CNTN6: variants seen among roughly 807,000 people sequenced by gnomAD.
CNTN6 encodes the protein contactin 6.
A neutral mutation model predicts 122.8 loss-of-function variants in CNTN6; 137 were observed. That is an observed-to-expected ratio of 1.12 (90% CI 0.97 to 1.29). The LOEUF is 1.29. Ranked by LOEUF, CNTN6 falls within the 50% of genes most tolerant of loss-of-function variation. CNTN6 has a pLI of 0.00. For synonymous variants in CNTN6, 570 were observed against 426.0 expected (o/e 1.34, Z -4.16); for missense variants, 1,634 against 1,223.4 (o/e 1.34, Z -5.01).
chr3:1,194,905 T>C (rs2093754345), intron 2 of CNTN6, among the ~76,000 whole-genome samples: 1 of 152,064 alleles, frequency 6.6e-6, no homozygotes, highest in African/African-American at 2.4e-5. Context: ...TCTAGGGACT[T>C]GCTGACTCTG....
rs147805325 is a variant in CNTN6 at position 1,383,009 on chromosome 3, C to T, written c.2234C>T (p.Ser745Leu). ...ATCATCATGTTCCGGCCAGTGGGCT[C>T]GACAACCTGGTCCAAGGAGAAAGTG... ...GYIIMFRPVG[S>L]TTWSKEKVSS... Residue 745 changes from serine to leucine, a missense_variant, in exon 18 of 23, where the codon TCG becomes TTG. Ser to Leu is a moderately radical substitution (Grantham distance 145). Coordinates refer to ENST00000446702, the MANE Select transcript of CNTN6 (RefSeq NM_001289080.2). The T allele has an allele frequency of 8.0e-4, 1,289 of 1,614,048 alleles. 2 individuals are homozygous for T. Among genetic ancestry groups the T allele is most frequent in the Non-Finnish European group, 1.0e-3 (1,198 of 1,179,948 alleles).
chr3:1,149,024 T>C (rs1047900996), intron 2 of CNTN6, among the ~76,000 whole-genome samples: 5 of 152,292 alleles, frequency 3.3e-5, no homozygotes, highest in Admixed American at 3.3e-4. Flanking sequence ...ATTTTGACAA[T>C]TATAAGTCAC....
At chr3:1,126,869 C>T (rs781129053) in intron 1 of CNTN6, among the ~76,000 whole-genome samples, 3 of 151,794 alleles carry the variant, frequency 2.0e-5, no homozygotes, top group Non-Finnish European at 4.4e-5. Flanking sequence ...GAAAGAAAGT[C>T]ATCTGGAGAG....
intron 20 of CNTN6, among the ~76,000 whole-genome samples, chr3:1,388,581 G>A (rs1392066239): frequency 6.7e-6 from 1 of 150,350 alleles, no homozygotes; most frequent in South Asian, 2.1e-4. Context: ...TTGACGAGCT[G>A]AGAGAAGAAG....
chr3:1,227,395 G>A (rs936072310), intron 3 of CNTN6, among the ~76,000 whole-genome samples: 11 of 152,206 alleles, frequency 7.2e-5, no homozygotes, highest in African/African-American at 1.7e-4. Flanking sequence ...TATGCTTGCC[G>A]CTTTCAATAT....
intron 19 of CNTN6, 127 bp downstream of exon 19, chr3:1,383,535 G>A: frequency 2.8e-6 from 2 of 713,420 alleles, no homozygotes; most frequent in Non-Finnish European, 2.4e-6. Flanking sequence ...AGCTAAAGCA[G>A]AGAATGAAGT....
chr3:1,341,573 C>T (rs767609524), intron 11 of CNTN6, among the ~76,000 whole-genome samples: 14 of 152,162 alleles, frequency 9.2e-5, no homozygotes, highest in South Asian at 4.1e-4. Context: ...CAAATAATTA[C>T]GCTATTTAGC....
intron 1 of CNTN6, among the ~76,000 whole-genome samples, chr3:1,099,225 G>A (rs898676233): frequency 1.3e-5 from 2 of 152,114 alleles, no homozygotes; most frequent in African/African-American, 4.8e-5. Context: ...GCCGAGGCGG[G>A]CGGATCACGA....
In CNTN6 at chr3:1,386,440, ACAGAAT is replaced by A. The variant is rs375313091; in HGVS notation, c.2704+651_2704+656del. On this transcript the variant is annotated intron_variant, in intron 20 of 22. Coordinates refer to ENST00000446702, the MANE Select transcript of CNTN6 (RefSeq NM_001289080.2). The stretch of plus-strand genomic sequence containing the variant: ...CCCTGATAATCAGCCAGGTGATTTC[ACAGAAT>A]CAGAATCTGCTACATAAAAGATGAA... 1.4e-3 allele frequency among the ~76,000 whole-genome samples: 212 copies of A among 152,276 alleles called. 1 individual carries two copies. The highest frequency in any genetic ancestry group is 4.7e-3 in the African/African-American group (197 of 41,560).
At chr3:1,177,283 T>A (rs1018925594) in intron 2 of CNTN6, among the ~76,000 whole-genome samples, 1 of 152,224 alleles carries the variant, frequency 6.6e-6, no homozygotes, top group Admixed American at 6.5e-5. Context: ...TGAACATAGA[T>A]TATAATGAAG....
At chr3:1,338,940 T>C (rs1703489230) in intron 11 of CNTN6, among the ~76,000 whole-genome samples, 1 of 151,882 alleles carries the variant, frequency 6.6e-6, no homozygotes, top group African/African-American at 2.4e-5. Context: ...TAAATAAAAA[T>C]AAATAATTAG....
chr3:1,258,925 G>A (rs940184161), intron 4 of CNTN6, among the ~76,000 whole-genome samples: 1 of 152,112 alleles, frequency 6.6e-6, no homozygotes, highest in Non-Finnish European at 1.5e-5. Flanking sequence ...TCTGTAAAGA[G>A]CCAGATAGTA....
intron 1 of CNTN6, among the ~76,000 whole-genome samples, chr3:1,096,962 A>T (rs1247227425): frequency 1.3e-5 from 2 of 152,196 alleles, no homozygotes; most frequent in African/African-American, 4.8e-5. Context: ...GAGGACATTT[A>T]AAAATCTCTT....
chr3:1,307,999 T>C (rs1698629003), intron 7 of CNTN6, among the ~76,000 whole-genome samples: 1 of 152,206 alleles, frequency 6.6e-6, no homozygotes, highest in African/African-American at 2.4e-5. Flanking sequence ...TGGGTGACTA[T>C]GTGTAGTCCA....
intron 2 of CNTN6, among the ~76,000 whole-genome samples, chr3:1,162,584 T>C (rs1012172939): frequency 6.6e-6 from 1 of 152,244 alleles, no homozygotes; most frequent in East Asian, 1.9e-4. Context: ...GGGCTTTAAC[T>C]TGATATATCT....
rs76361004 is a variant in CNTN6, at chr3:1,213,470, T to TA, written c.56-7211dup. On this transcript the variant is annotated intron_variant, in intron 2 of 22. Transcript: ENST00000446702. ...TTTCCCATCTCTTTTCTTCATTTTT[T>TA]AAAAAATCTGATGTTTCTTTAATAT... 4.4e-3 allele frequency among the ~76,000 whole-genome samples: 665 copies of TA among 151,968 alleles called. 10 individuals carry two copies. Among genetic ancestry groups the TA allele is most frequent in the Non-Finnish European group, 4.6e-3 (313 of 67,946 alleles).
intron 7 of CNTN6, among the ~76,000 whole-genome samples, chr3:1,308,249 G>A (rs1698666796): frequency 6.6e-6 from 1 of 151,138 alleles, no homozygotes; most frequent in Admixed American, 6.6e-5. Context: ...GTTGGATCTT[G>A]TGCCCTTTGT....
At chr3:1,245,788 A>T (rs2094575077) in intron 4 of CNTN6, among the ~76,000 whole-genome samples, 1 of 152,160 alleles carries the variant, frequency 6.6e-6, no homozygotes, top group Admixed American at 6.6e-5. Flanking sequence ...GTTTTGATGG[A>T]AATCCATTGA....
chr3:1,140,363 G>A (rs1171472957), intron 1 of CNTN6, among the ~76,000 whole-genome samples: 4 of 152,148 alleles, frequency 2.6e-5, no homozygotes, highest in African/African-American at 7.2e-5. Context: ...ACATAGTAGG[G>A]GGGGACCCTC....
Sources: allele counts gnomAD v4.1 joint callset (sites outside exome capture counted in the v4.1 genomes callset), GRCh38; gene constraint gnomAD v4.1.1; transcripts MANE v1.5; gene names NCBI Gene and HGNC (gene_info 2026-07-23, HGNC 2026-07-21).